Variants in OR51M1 observed in about 807,000 individuals in gnomAD.
OR51M1 encodes olfactory receptor 51M1.
For synonymous variants in OR51M1, 199 were observed against 155.1 expected (o/e 1.28, Z -2.10); for missense variants, 509 against 404.4 (o/e 1.26, Z -2.22).
Position 5,389,404 on chromosome 11 carries a change from A to T in OR51M1, c.6A>T (p.Ser2=). ...TTCAGCTCAATCCCCGAGGAATGTC[A>T]GTCCAATATTCGCTCAGTCCTCAAT... The part of the protein sequence containing the change: M[S]VQYSLSPQFM... The change falls in exon 3 of 3, where the codon TCA becomes TCT. Residue 2 remains serine, a synonymous_variant. Coordinates refer to ENST00000642046, the MANE Select transcript of OR51M1 (RefSeq NM_001004756.3). The T allele has an allele frequency of 6.2e-7, 1 of 1,610,800 alleles. No individual in the cohort carries two copies. The highest frequency in any genetic ancestry group is 8.5e-7 in the Non-Finnish European group (1 of 1,177,322).
rs1204694306 is a variant in OR51M1, at chr11:5,390,140, C to T, written c.742C>T (p.Arg248Cys). The T allele has an allele frequency of 1.1e-5, 17 of 1,613,744 alleles. 1 individual carries two copies. The highest frequency in any genetic ancestry group is 8.8e-5 in the South Asian group (8 of 91,074). The change falls in exon 3 of 3, where the codon CGT (arginine) becomes TGT (cysteine). Residue 248 changes from arginine to cysteine, a missense_variant. Physicochemically the swap from Arg to Cys is radical, Grantham distance 180. Transcript: ENST00000642046. ...AGLASQEEQRRAFQTCTAPLC... is the reference protein window; with the variant it reads ...AGLASQEEQRCAFQTCTAPLC... ...CCTGGCCTCCCAAGAGGAGCAGCGC[C>T]GTGCCTTTCAGACATGCACCGCTCC... is the stretch of plus-strand genomic sequence containing the variant.
At position 5,391,364 on chromosome 11, in the gene OR51M1, T is replaced by G. The variant is rs1849792888; in HGVS notation, c.*985T>G. The G allele has an allele frequency of 6.6e-6, 1 of 152,198 alleles. No homozygotes were observed. The highest frequency in any genetic ancestry group is 1.5e-5 in the Non-Finnish European group (1 of 68,040). The allele number at this position is 152,198 out of a possible 1,614,324, so 9.4% of individuals were successfully genotyped here. A position where few individuals can be genotyped will look rare whatever the true frequency, so the allele number is the denominator to read the frequency against. On this transcript the variant is annotated 3_prime_UTR_variant, in exon 3 of 3. Coordinates refer to ENST00000642046, the MANE Select transcript of OR51M1 (RefSeq NM_001004756.3). The stretch of plus-strand genomic sequence containing the variant: ...TTCCACAGTGCCCTGCATTTCCCGT[T>G]GTAACATTTGTCACACAGTAATGTC...
rs753118333 is a variant in OR51M1 at position 5,389,503 on chromosome 11, C to CA, written c.108dup (p.His37ThrfsTer26). ...CCAGCTTTCCTGGATTGGAAGGCAT[C>CA]AAACACTGGATTTTCATCCCCTTTT... On this transcript the variant is annotated frameshift_variant, in exon 3 of 3. Transcript: ENST00000642046. LOFTEE classifies it low-confidence loss of function (END_TRUNC). 1.2e-6 allele frequency: 2 copies of CA among 1,614,016 alleles called. No homozygotes were observed. Among genetic ancestry groups the CA allele is most frequent in the East Asian group, 4.5e-5 (2 of 44,882 alleles).
chr11:5,385,921 TTA>T (rs1849687229), intron 2 of OR51M1, among the ~76,000 whole-genome samples: 1 of 147,532 alleles, frequency 6.8e-6, no homozygotes, highest in African/African-American at 2.5e-5. Context: ...ATATGTGTAC[TTA>T]TATGGATGTA....
chr11:5,385,336 T>G lies in OR51M1; in HGVS notation c.-121-17T>G, dbSNP rs894656054. ...TCCAAGAGAAATAATCCCAGCCCTGTCATTGTCTCTGTATAGACATCTTGT... is the reference window on the plus strand; with the variant it reads ...TCCAAGAGAAATAATCCCAGCCCTGGCATTGTCTCTGTATAGACATCTTGT... On this transcript the variant is annotated splice_polypyrimidine_tract_variant and intron_variant, in intron 1 of 2. Coordinates refer to ENST00000642046, the MANE Select transcript of OR51M1 (RefSeq NM_001004756.3). 6.6e-6 allele frequency: 1 copy of G among 152,142 alleles called. No homozygotes were observed. Among genetic ancestry groups the G allele is most frequent in the South Asian group, 2.1e-4 (1 of 4,830 alleles). 9.4% of individuals were successfully genotyped at this position (152,142 alleles called of 1,614,324 possible).
intron 1 of OR51M1, 84 bp downstream of exon 1, chr11:5,384,001 A>C (rs1488587864): frequency 6.6e-6 from 1 of 152,198 alleles, no homozygotes; most frequent in East Asian, 1.9e-4. Flanking sequence ...AAAATGAGGG[A>C]AAATGGGAAT....
chr11:5,388,154 A>G (rs1289078504), intron 2 of OR51M1, among the ~76,000 whole-genome samples: 1 of 152,168 alleles, frequency 6.6e-6, no homozygotes, highest in Non-Finnish European at 1.5e-5. Context: ...TGGTAATGAT[A>G]CATATTTAAT....
At position 5,392,798 on chromosome 11, in the gene OR51M1, G is replaced by T. The variant is rs1002398217; in HGVS notation, c.*2419G>T. The T allele has an allele frequency of 6.6e-6, 1 of 152,108 alleles. No homozygotes were observed. The highest frequency in any genetic ancestry group is 6.5e-5 in the Admixed American group (1 of 15,280). The allele number at this position is 152,108 out of a possible 1,614,324, so 9.4% of individuals were successfully genotyped here. On this transcript the variant is annotated 3_prime_UTR_variant, in exon 3 of 3. Transcript: ENST00000642046. ...ATGGTGGTGGGCACCTGTAGTCCCAGCTACTCAGGAGGCTGGGGCAGCAGA... is the reference window on the plus strand; with the variant it reads ...ATGGTGGTGGGCACCTGTAGTCCCATCTACTCAGGAGGCTGGGGCAGCAGA...
chr11:5,390,412 TAAG>T lies in OR51M1; in HGVS notation c.*37_*39del. The T allele has an allele frequency of 1.3e-6, 2 of 1,514,548 alleles. No individual in the cohort carries two copies. The highest frequency in any genetic ancestry group is 1.4e-5 in the African/African-American group (1 of 72,068). 93.8% of individuals were successfully genotyped at this position (1,514,548 alleles called of 1,614,324 possible). A position where few individuals can be genotyped will look rare whatever the true frequency, so the allele number is the denominator to read the frequency against. ...GGCTAAAACTCCCCCTAGAGGCCTA[TAAG>T]AAGGCCCCAAATTGGACTGAAAATT... On this transcript the variant is annotated 3_prime_UTR_variant, in exon 3 of 3. Transcript: ENST00000642046.
rs1156916793 is a variant in OR51M1 at position 5,389,935 on chromosome 11, C to G, written c.537C>G (p.Pro179=). Reference sequence around the variant, plus strand: ...TTGTCCTCCTCCTGAAGGCTTTTCCCTACTGTGGATCTGTGGTCCTCTCCC... The same window carrying G: ...TTGTCCTCCTCCTGAAGGCTTTTCCGTACTGTGGATCTGTGGTCCTCTCCC... The part of the protein sequence containing the change: ...IPIVLLLKAF[P]YCGSVVLSHS... The change falls in exon 3 of 3, where the codon CCC becomes CCG. Residue 179 remains proline (P), a synonymous_variant. Coordinates refer to ENST00000642046, the MANE Select transcript of OR51M1 (RefSeq NM_001004756.3). 4 of 1,611,208 alleles carry G rather than the reference C, an allele frequency of 2.5e-6. No homozygotes were observed. The African/African-American group carries it at 5.3e-5, about 22-fold the overall frequency.
Position 5,390,146 on chromosome 11 carries a change from T to C in OR51M1, c.748T>C (p.Phe250Leu), listed in dbSNP as rs751749662. The change falls in exon 3 of 3, where the codon TTT becomes CTT. Residue 250 changes from phenylalanine to leucine, a missense_variant. Physicochemically the swap from Phe to Leu is conservative, Grantham distance 22 (BLOSUM62 0). Transcript: ENST00000642046. ...LASQEEQRRA[F>L]QTCTAPLCAV... ...CTCCCAAGAGGAGCAGCGCCGTGCCTTTCAGACATGCACCGCTCCTCTCTG... is the reference window on the plus strand; with the variant it reads ...CTCCCAAGAGGAGCAGCGCCGTGCCCTTCAGACATGCACCGCTCCTCTCTG... 1 of 1,613,884 alleles carries C rather than the reference T, an allele frequency of 6.2e-7. No homozygotes were observed. Among genetic ancestry groups the C allele is most frequent in the Non-Finnish European group, 8.5e-7 (1 of 1,179,848 alleles).
chr11:5,389,341 G>A, intron 2 of OR51M1, 43 bp from the exon 3 acceptor site: 1 of 1,520,646 alleles, frequency 6.6e-7, no homozygotes, highest in Non-Finnish European at 9.0e-7. Context: ...GAATGTTAGT[G>A]AAGCTGAAGA....
intron 2 of OR51M1, among the ~76,000 whole-genome samples, chr11:5,387,466 C>G (rs887496271): frequency 6.6e-6 from 1 of 151,872 alleles, no homozygotes; most frequent in African/African-American, 2.4e-5. Flanking sequence ...CTATTTTTTA[C>G]CCCTTGCCAA....
chr11:5,387,980 G>A (rs1273070273), intron 2 of OR51M1, among the ~76,000 whole-genome samples: 2 of 152,050 alleles, frequency 1.3e-5, no homozygotes, highest in African/African-American at 4.8e-5. Flanking sequence ...AGTAATTGCA[G>A]TTCTTGCCAT....
intron 2 of OR51M1, among the ~76,000 whole-genome samples, chr11:5,388,823 C>T (rs897279361): frequency 1.1e-4 from 16 of 151,790 alleles, no homozygotes; most frequent in African/African-American, 3.6e-4. Context: ...ATGAAGGTGA[C>T]GGTGAGTAAA....
At position 5,386,133 on chromosome 11, in the gene OR51M1, T is replaced by C. The variant is rs192693046; in HGVS notation, c.-16+675T>C. ...TACTAAGTCTTAAAGGATCCGCAAG[T>C]GTTTACTGGTTGGAAAAACAGGGGT... On this transcript the variant is annotated intron_variant, in intron 2 of 2. Coordinates refer to ENST00000642046, the MANE Select transcript of OR51M1 (RefSeq NM_001004756.3). 2.0e-5 allele frequency among the ~76,000 whole-genome samples: 3 copies of C among 152,184 alleles called. No homozygotes were observed. The East Asian group carries it at 5.8e-4, about 29-fold the overall frequency.
In OR51M1 at chr11:5,391,566, G is replaced by A. The variant is rs576135737; in HGVS notation, c.*1187G>A. 6.6e-6 allele frequency: 1 copy of A among 152,206 alleles called. No homozygotes were observed. Among genetic ancestry groups the A allele is most frequent in the Non-Finnish European group, 1.5e-5 (1 of 68,042 alleles). The allele number at this position is 152,206 out of a possible 1,614,324, so 9.4% of individuals were successfully genotyped here. ...ATATAGATACATAAAGAGGGATCCA[G>A]AGCTAACAGAAGTTCTCTTCTTGTC... On this transcript the variant is annotated 3_prime_UTR_variant, in exon 3 of 3. Transcript: ENST00000642046.
At chr11:5,387,906 G>A (rs1376553590) in intron 2 of OR51M1, among the ~76,000 whole-genome samples, 2 of 152,080 alleles carry the variant, frequency 1.3e-5, no homozygotes, top group African/African-American at 4.8e-5. Context: ...CAGTATGTAT[G>A]TATGTGTTTA....
Position 5,392,998 on chromosome 11 carries a change from A to G in OR51M1, c.*2619A>G, listed in dbSNP as rs534377927. On this transcript the variant is annotated 3_prime_UTR_variant, in exon 3 of 3. Transcript: ENST00000642046. ...TATTTTCACATACCAGAATGAAAACATAATTTAATTTGCCTTTTATAAAAA... is the reference window on the plus strand; with the variant it reads ...TATTTTCACATACCAGAATGAAAACGTAATTTAATTTGCCTTTTATAAAAA... 2 of 152,388 alleles carry G rather than the reference A, an allele frequency of 1.3e-5. No homozygotes were observed. The highest frequency in any genetic ancestry group is 6.5e-5 in the Admixed American group (1 of 15,308). 9.4% of individuals were successfully genotyped at this position (152,388 alleles called of 1,614,324 possible). A position where few individuals can be genotyped will look rare whatever the true frequency, so the allele number is the denominator to read the frequency against.
Sources: gnomAD v4.1 joint callset for allele counts (sites outside exome capture counted in the v4.1 genomes callset) on GRCh38, gnomAD v4.1.1 for gene constraint, MANE v1.5 for transcripts, NCBI Gene and HGNC (gene_info 2026-07-23, HGNC 2026-07-21) for gene names.